The following GDA variants were observed in gnomAD, a reference collection of about 807,000 sequenced individuals.
GDA encodes guanine deaminase, also known as cytoplasmic PSD-95 interactor.
GDA carries 18 observed loss-of-function variants against 59.6 expected under a neutral mutation model. That is an observed-to-expected ratio of 0.30 (90% CI 0.21 to 0.45). The LOEUF (loss-of-function observed/expected upper bound fraction) is 0.45. Among genes scored for constraint, GDA ranks in the 20% least tolerant of loss-of-function variants. The pLI is 1.00. For missense variants in GDA, 427 were observed against 552.3 expected (o/e 0.77, Z 2.27); for synonymous variants, 201 against 201.1 (o/e 1.00, Z 0.00).
intron 1 of GDA, among the ~76,000 whole-genome samples, chr9:72,126,227 C>A (rs1825843441): frequency 1.3e-5 from 2 of 152,072 alleles, no homozygotes; most frequent in African/African-American, 4.8e-5. Flanking sequence ...AAAGGCAGAC[C>A]CCTTGGAGTA....
upstream of GDA, among the ~76,000 whole-genome samples, chr9:72,147,033 C>A (rs1378570426): frequency 6.6e-6 from 1 of 152,150 alleles, no homozygotes; most frequent in Admixed American, 6.5e-5. Flanking sequence ...GATTATTCAT[C>A]CTATAAACCA....
chr9:72,174,450 T>C (rs2130991510), intron 1 of GDA, among the ~76,000 whole-genome samples: 1 of 152,304 alleles, frequency 6.6e-6, no homozygotes, highest in East Asian at 1.9e-4. Context: ...CTTCCTACTT[T>C]ATGGATGAGA....
chr9:72,186,962 C>T (rs1033469844), intron 1 of GDA, among the ~76,000 whole-genome samples: 2 of 152,230 alleles, frequency 1.3e-5, no homozygotes, highest in African/African-American at 4.8e-5. Context: ...CTACCTCTGC[C>T]TGTCTTAACT....
chr9:72,174,343 C>T (rs1410013251), intron 1 of GDA, among the ~76,000 whole-genome samples: 1 of 152,220 alleles, frequency 6.6e-6, no homozygotes, highest in Non-Finnish European at 1.5e-5. Context: ...AAAACAGCAG[C>T]TCAGACTTAT....
chr9:72,203,607 G>A (rs56304872), intron 3 of GDA, among the ~76,000 whole-genome samples: 13,319 of 152,238 alleles, frequency 0.087, 674 homozygotes, highest in Middle Eastern at 0.13. Flanking sequence ...CGCAAATGCT[G>A]CCTTGTCTGA....
At chr9:72,165,988 C>T (rs1227018654) in intron 1 of GDA, among the ~76,000 whole-genome samples, 2 of 151,942 alleles carry the variant, frequency 1.3e-5, no homozygotes, top group Non-Finnish European at 2.9e-5. Context: ...GAAAATCTTA[C>T]CCCTCCTTCT....
At chr9:72,200,119 G>A (rs928831073) in intron 2 of GDA, among the ~76,000 whole-genome samples, 1 of 147,736 alleles carries the variant, frequency 6.8e-6, no homozygotes, top group Admixed American at 6.8e-5. Flanking sequence ...TGCCTCAGCC[G>A]CCCGAGTAGC....
At chr9:72,216,981 T>G (rs569538736) in intron 5 of GDA, among the ~76,000 whole-genome samples, 3 of 152,124 alleles carry the variant, frequency 2.0e-5, no homozygotes, top group Non-Finnish European at 1.5e-5. Context: ...GGCCCAGGAA[T>G]AGCTATTAAC....
chr9:72,162,502 C>T (rs929700153), intron 1 of GDA, among the ~76,000 whole-genome samples: 3 of 151,672 alleles, frequency 2.0e-5, no homozygotes, highest in African/African-American at 4.8e-5. Context: ...ATGCAAAGAC[C>T]CAGAGGGGAG....
At chr9:72,231,506 A>G (rs1838346628) in intron 10 of GDA, among the ~76,000 whole-genome samples, 1 of 151,650 alleles carries the variant, frequency 6.6e-6, no homozygotes, top group Non-Finnish European at 1.5e-5. Flanking sequence ...CGGAGCTTGT[A>G]GTGAGCTGAG....
At position 72,249,093 on chromosome 9, in the gene GDA, A is replaced by G. The variant is rs956828659; in HGVS notation, c.*751A>G. On this transcript the variant is annotated 3_prime_UTR_variant, in exon 14 of 14. Transcript: ENST00000358399. The stretch of plus-strand genomic sequence containing the variant: ...TTAGGAATATTATTCATGTAACTCC[A>G]TGGCATAAATAGTTGTATTTTTGTG... 10 of 975,392 alleles carry G rather than the reference A, an allele frequency of 1.0e-5. No homozygotes were observed. The highest frequency in any genetic ancestry group is 1.2e-4 in the Admixed American group (2 of 16,242). 60.4% of individuals were successfully genotyped at this position (975,392 alleles called of 1,614,324 possible).
At chr9:72,126,612 G>T (rs1168847740) in intron 1 of GDA, among the ~76,000 whole-genome samples, 1 of 143,118 alleles carries the variant, frequency 7.0e-6, no homozygotes, top group East Asian at 2.1e-4. Flanking sequence ...TGTCACCTAG[G>T]CTGGAGTGCA....
intron 1 of GDA, among the ~76,000 whole-genome samples, chr9:72,176,710 A>G (rs1476598394): frequency 6.6e-6 from 1 of 152,186 alleles, no homozygotes; most frequent in Non-Finnish European, 1.5e-5. Flanking sequence ...TGGATATTCC[A>G]TTATTAAAGC....
intron 1 of GDA, among the ~76,000 whole-genome samples, chr9:72,128,431 A>C (rs147748805): frequency 6.5e-4 from 99 of 152,292 alleles, no homozygotes; most frequent in African/African-American, 2.3e-3. Context: ...TATAATAGTA[A>C]TAATGATAAT....
chr9:72,230,964 G>A, intron 9 of GDA, 150 bp from the exon 10 acceptor site: 1 of 642,190 alleles, frequency 1.6e-6, no homozygotes, highest in African/African-American at 1.8e-5. Flanking sequence ...GGACTTGGAT[G>A]GTCTGATTTG....
intron 1 of GDA, among the ~76,000 whole-genome samples, chr9:72,118,721 AT>A (rs1024631290): frequency 1.3e-5 from 2 of 152,058 alleles, no homozygotes; most frequent in African/African-American, 4.8e-5. Context: ...CAAACTGGCA[AT>A]TTTTTTTCTT....
intron 8 of GDA, among the ~76,000 whole-genome samples, chr9:72,227,529 A>G (rs1837745655): frequency 6.7e-6 from 1 of 150,072 alleles, no homozygotes; most frequent in Admixed American, 6.6e-5. Flanking sequence ...AAGTTTTTTT[A>G]GAATTGGAGC....
At chr9:72,165,545 C>G (rs781481992) in intron 1 of GDA, among the ~76,000 whole-genome samples, 1 of 151,886 alleles carries the variant, frequency 6.6e-6, no homozygotes, top group Non-Finnish European at 1.5e-5. Context: ...TTTAAAAATG[C>G]GGTTGGTATG....
chr9:72,116,645 A>G (rs1231720117), intron 1 of GDA, among the ~76,000 whole-genome samples: 1 of 151,990 alleles, frequency 6.6e-6, no homozygotes, highest in Admixed American at 6.6e-5. Context: ...TCGGCCTCCC[A>G]AAGTGCTGGG....
Sources: gnomAD v4.1 joint callset for allele counts (sites outside exome capture counted in the v4.1 genomes callset) on GRCh38, gnomAD v4.1.1 for gene constraint, MANE v1.5 for transcripts, NCBI Gene and HGNC (gene_info 2026-07-23, HGNC 2026-07-21) for gene names.